The following ASTN2 variants were observed in gnomAD, a reference collection of about 807,000 sequenced individuals.
ASTN2 encodes astrotactin-2.
Under a neutral mutation model 139.8 loss-of-function variants are expected in ASTN2, and 54 were observed. The ratio of observed to expected loss-of-function variants is 0.39; its 90% CI spans 0.31 to 0.48. ASTN2 has a LOEUF of 0.48. ASTN2 is among the 20% of genes least tolerant of loss of function. ASTN2 has a pLI of 0.95. For missense variants in ASTN2, 1,565 were observed against 1,725.1 expected (o/e 0.91, Z 1.64); for synonymous variants, 756 against 719.5 (o/e 1.05, Z -0.81).
intron 13 of ASTN2, among the ~76,000 whole-genome samples, chr9:116,786,203 C>T (rs184251549): frequency 9.9e-5 from 15 of 152,246 alleles, no homozygotes; most frequent in South Asian, 2.1e-4. Flanking sequence ...TTTATACAAA[C>T]GTCACCTTGT....
rs140825544 is a variant in ASTN2 at position 117,061,139 on chromosome 9, T to TTTCATTTA, written c.1277-21175_1277-21174insTAAATGAA. Among the ~76,000 whole-genome samples, 179 of 142,000 alleles carry TTTCATTTA rather than the reference T, an allele frequency of 1.3e-3. 3 individuals carry two copies. The highest frequency in any genetic ancestry group is 4.3e-3 in the Admixed American group (61 of 14,196). 93.2% of individuals were successfully genotyped at this position (142,000 alleles called of 152,430 possible). ...CACAGTTACAAACTATACACCAGTC[T>TTTCATTTA]TTTATTTATTTATTTATTTATTTAT... On this transcript the variant is annotated intron_variant, in intron 5 of 22. Transcript: ENST00000313400.
chr9:117,038,871 G>A (rs191404555), intron 6 of ASTN2, among the ~76,000 whole-genome samples: 1 of 152,292 alleles, frequency 6.6e-6, no homozygotes, highest in East Asian at 1.9e-4. Context: ...CTTTGCTAAT[G>A]ACTATGGTGG....
chr9:117,234,959 C>T (rs775983927), intron 2 of ASTN2, among the ~76,000 whole-genome samples: 2 of 152,116 alleles, frequency 1.3e-5, no homozygotes, highest in East Asian at 1.9e-4. Context: ...TAAGGCTGGG[C>T]GCAGTGGCTC....
chr9:116,566,138 TC>T (rs1385794243), intron 19 of ASTN2, among the ~76,000 whole-genome samples: 1 of 152,198 alleles, frequency 6.6e-6, no homozygotes, highest in Non-Finnish European at 1.5e-5. Flanking sequence ...TGCATCTAAT[TC>T]CTTAGTCTTG....
chr9:116,934,956 C>T (rs921762451), intron 10 of ASTN2, among the ~76,000 whole-genome samples: 6 of 152,160 alleles, frequency 3.9e-5, no homozygotes, highest in East Asian at 1.9e-4. Context: ...GCTGTTTTCC[C>T]GTTCTAGATG....
chr9:116,437,663 C>T, intron 22 of ASTN2: 1 of 459,640 alleles, frequency 2.2e-6, no homozygotes, highest in South Asian at 1.6e-5. Context: ...TGTGGGAAAG[C>T]CCAAAAAACT....
intron 16 of ASTN2, among the ~76,000 whole-genome samples, chr9:116,673,059 G>A (rs1859293729): frequency 6.6e-6 from 1 of 152,200 alleles, no homozygotes; most frequent in Non-Finnish European, 1.5e-5. Flanking sequence ...GTAGGGCATA[G>A]GCCAAGTAAA....
chr9:117,023,972 C>A (rs1341614722), intron 6 of ASTN2, among the ~76,000 whole-genome samples: 2 of 151,924 alleles, frequency 1.3e-5, no homozygotes, highest in African/African-American at 2.4e-5. Flanking sequence ...ACTGAGGGTG[C>A]GAGGTTGGGG....
intron 16 of ASTN2, among the ~76,000 whole-genome samples, chr9:116,706,530 C>T (rs899355201): frequency 2.0e-5 from 3 of 152,100 alleles, no homozygotes; most frequent in Non-Finnish European, 4.4e-5. Context: ...CTTGAGAACT[C>T]GCTGCTCTCT....
At chr9:117,166,787 C>T (rs910557601) in intron 3 of ASTN2, among the ~76,000 whole-genome samples, 2 of 152,022 alleles carry the variant, frequency 1.3e-5, no homozygotes, top group African/African-American at 4.8e-5. Flanking sequence ...ATCTTCTTCC[C>T]CATAGACTGC....
intron 19 of ASTN2, among the ~76,000 whole-genome samples, chr9:116,597,310 T>TTTTTTTTTTTG (rs1564142157): frequency 7.0e-6 from 1 of 142,012 alleles, no homozygotes; most frequent in African/African-American, 2.6e-5. Context: ...TTTTTTTTTT[T>TTTTTTTTTTTG]TTTTTTTTTT....
At chr9:116,437,541 C>A (rs7018569) in intron 22 of ASTN2, 29 of 471,110 alleles carry the variant, frequency 6.2e-5, no homozygotes, top group African/African-American at 1.0e-4. Context: ...GCGGCCCGGC[C>A]GCCTTTCCAG....
chr9:117,323,776 A>G (rs965965545), intron 1 of ASTN2, among the ~76,000 whole-genome samples: 2 of 152,012 alleles, frequency 1.3e-5, no homozygotes, highest in Non-Finnish European at 1.5e-5. Context: ...TTCTTTCTTT[A>G]TATATATATT....
chr9:117,138,406 G>A (rs959675939), intron 4 of ASTN2, among the ~76,000 whole-genome samples: 2 of 152,188 alleles, frequency 1.3e-5, no homozygotes, highest in Non-Finnish European at 2.9e-5. Context: ...AGAAGGAACC[G>A]TTTGCTGTGT....
intron 5 of ASTN2, among the ~76,000 whole-genome samples, chr9:117,056,584 C>G (rs1839071009): frequency 6.6e-6 from 1 of 152,102 alleles, no homozygotes; most frequent in African/African-American, 2.4e-5. Context: ...TTATTAAGAG[C>G]TGAGAGAAAA....
chr9:116,462,143 C>T (rs1848506254), intron 20 of ASTN2, among the ~76,000 whole-genome samples: 1 of 152,208 alleles, frequency 6.6e-6, no homozygotes, highest in Admixed American at 6.5e-5. Flanking sequence ...CACTCTCTTT[C>T]TGCTACAATT....
intron 10 of ASTN2, among the ~76,000 whole-genome samples, chr9:116,968,400 G>A (rs1451559407): frequency 6.6e-6 from 1 of 152,192 alleles, no homozygotes; most frequent in African/African-American, 2.4e-5. Flanking sequence ...AGGAACATCT[G>A]TTGGGGACCC....
chr9:116,717,422 T>G (rs528091556), intron 16 of ASTN2, among the ~76,000 whole-genome samples: 1 of 152,320 alleles, frequency 6.6e-6, no homozygotes, highest in South Asian at 2.1e-4. Context: ...CTCTGTCTTC[T>G]GGCGTGCTGT....
intron 10 of ASTN2, among the ~76,000 whole-genome samples, chr9:116,895,338 C>A (rs1833856139): frequency 6.6e-6 from 1 of 152,130 alleles, no homozygotes. Context: ...TGCAAATATT[C>A]CAAAATCTGA....
Sources: gnomAD v4.1 joint callset for allele counts (sites outside exome capture counted in the v4.1 genomes callset) on GRCh38, gnomAD v4.1.1 for gene constraint, MANE v1.5 for transcripts, NCBI Gene and HGNC (gene_info 2026-07-23, HGNC 2026-07-21) for gene names.